The following CHIC2 variants were observed in gnomAD, a reference collection of about 807,000 sequenced individuals.
The protein encoded by CHIC2 is cysteine-rich hydrophobic domain-containing protein 2.
In CHIC2, 14 loss-of-function variants were observed where a neutral mutation model predicts 25.9. That is an observed-to-expected ratio of 0.54 (90% CI 0.36 to 0.85). The LOEUF (loss-of-function observed/expected upper bound fraction) is 0.85, where lower values mean the gene tolerates loss of function less well. CHIC2 is among the 40% of genes least tolerant of loss of function. The pLI is 0.01. For missense variants in CHIC2, 146 were observed against 202.0 expected (o/e 0.72, Z 1.68); for synonymous variants, 70 against 72.0 (o/e 0.97, Z 0.14).
At chr4:54,027,783 C>T (rs1716105923) in intron 3 of CHIC2, among the ~76,000 whole-genome samples, 2 of 152,124 alleles carry the variant, frequency 1.3e-5, no homozygotes, top group Admixed American at 1.3e-4. Context: ...AAAGTAAATA[C>T]ACAAGTTTCA....
At chr4:54,026,405 A>T (rs1716057610) in intron 3 of CHIC2, among the ~76,000 whole-genome samples, 1 of 152,080 alleles carries the variant, frequency 6.6e-6, no homozygotes, top group Non-Finnish European at 1.5e-5. Context: ...CTGTAGCCCC[A>T]GCTACTTGGG....
chr4:54,017,482 G>A (rs990160692), intron 3 of CHIC2, among the ~76,000 whole-genome samples: 3 of 152,148 alleles, frequency 2.0e-5, no homozygotes, highest in Admixed American at 2.0e-4. Context: ...GAAAGAACAG[G>A]GGAAGGGGCA....
intron 3 of CHIC2, among the ~76,000 whole-genome samples, chr4:54,034,412 A>G (rs911303531): frequency 2.6e-5 from 4 of 152,036 alleles, no homozygotes; most frequent in Non-Finnish European, 1.5e-5. Context: ...CTCAAAAAAA[A>G]AAAAGTATTT....
At chr4:54,072,637 T>C in the CHIC2 span, among the ~76,000 whole-genome samples, 1 of 152,240 alleles carries the variant, frequency 6.6e-6, no homozygotes, top group East Asian at 1.9e-4. Context: ...TATGACTTAG[T>C]TATTCTTGTA....
chr4:54,064,348 G>A lies in CHIC2; in HGVS notation c.-48C>T, dbSNP rs1220451432. ...CCCAAAGGGCCTGACTCCCGGGGTT[G>A]GCGCCGGGGTACCGGCGGGCGAGGC... is the stretch of plus-strand genomic sequence containing the variant. On this transcript the variant is annotated 5_prime_UTR_variant, in exon 1 of 6. Transcript: ENST00000263921. This position sits in a 1 kb window ranked among gnomAD's most constrained non-coding sequence, Gnocchi z 4.2. 1 of 1,609,226 alleles carries A rather than the reference G, an allele frequency of 6.2e-7. No individual in the cohort carries two copies. Among genetic ancestry groups the A allele is most frequent in the East Asian group, 2.2e-5 (1 of 44,620 alleles).
chr4:54,072,023 G>A, the CHIC2 span, among the ~76,000 whole-genome samples: 11 of 143,008 alleles, frequency 7.7e-5, no homozygotes, highest in South Asian at 4.6e-4. Flanking sequence ...GGCTGGGTGC[G>A]GTGGCTCACG....
chr4:54,065,085 CAG>C (rs1032816307), upstream of CHIC2, among the ~76,000 whole-genome samples: 12 of 152,204 alleles, frequency 7.9e-5, no homozygotes, highest in Admixed American at 7.2e-4. Flanking sequence ...TGATGAGAAC[CAG>C]AGTCTCTTTT....
intron 3 of CHIC2, 85 bp from the exon 4 acceptor site, chr4:54,014,204 G>C (rs1715675537): frequency 2.7e-6 from 3 of 1,098,270 alleles, no homozygotes; most frequent in Admixed American, 3.8e-5. Context: ...GAAAAGGGGA[G>C]AGGTATAAGA....
the CHIC2 span, among the ~76,000 whole-genome samples, chr4:54,084,116 G>C: frequency 4.8e-3 from 731 of 152,264 alleles, 5 homozygotes; most frequent in African/African-American, 0.016. Flanking sequence ...GTTGTTGCAT[G>C]CCACTATCAC....
upstream of CHIC2, chr4:54,064,712 G>C: frequency 2.0e-6 from 2 of 976,336 alleles, no homozygotes; most frequent in Non-Finnish European, 1.2e-6. This position sits in a 1 kb window ranked among gnomAD's most constrained non-coding sequence, Gnocchi z 4.2. Context: ...TGGGCGAGCG[G>C]ACTGGCTGGC....
intron 3 of CHIC2, among the ~76,000 whole-genome samples, chr4:54,016,123 G>A (rs189520887): frequency 1.3e-5 from 2 of 152,214 alleles, no homozygotes; most frequent in East Asian, 1.9e-4. Context: ...TTGGGGGTGG[G>A]TGGATGATGA....
At chr4:54,063,431 C>T (rs1357106365) in intron 1 of CHIC2, among the ~76,000 whole-genome samples, 3 of 152,168 alleles carry the variant, frequency 2.0e-5, no homozygotes, top group African/African-American at 7.2e-5. Flanking sequence ...TTTCCGAAAG[C>T]TTTCATTCCT....
intron 3 of CHIC2, among the ~76,000 whole-genome samples, chr4:54,040,634 T>C (rs1716542212): frequency 1.4e-5 from 2 of 141,454 alleles, no homozygotes; most frequent in East Asian, 2.1e-4. Context: ...CGGGGAGGTG[T>C]AGGTTGTGAT....
the CHIC2 span, among the ~76,000 whole-genome samples, chr4:54,081,080 G>A: frequency 2.7e-5 from 4 of 149,274 alleles, no homozygotes; most frequent in African/African-American, 7.4e-5. Context: ...AAAAGCTGGG[G>A]AAAAAAAAGA....
chr4:54,046,934 A>G (rs1158833064), intron 3 of CHIC2, among the ~76,000 whole-genome samples: 1 of 152,242 alleles, frequency 6.6e-6, no homozygotes, highest in African/African-American at 2.4e-5. Flanking sequence ...ATCTACAATG[A>G]ACTCAAACAC....
rs1577967500 is a variant in CHIC2, at chr4:54,025,632, G to A, written c.331-11513C>T. Reference sequence around the variant, plus strand: ...CCAGCACTTTGGGATACCGAGAAGGGCGGATCACTTGAGCCTAGAAGTTCG... The same window carrying A: ...CCAGCACTTTGGGATACCGAGAAGGACGGATCACTTGAGCCTAGAAGTTCG... On this transcript the variant is annotated intron_variant, in intron 3 of 5. Transcript: ENST00000263921. Among the ~76,000 whole-genome samples the A allele has an allele frequency of 6.6e-5, 10 of 152,142 alleles. No homozygotes were observed. In the South Asian group the frequency reaches 2.1e-3, roughly 32 times the overall value.
At position 54,052,936 on chromosome 4, in the gene CHIC2, A is replaced by G. The variant is rs375825215; in HGVS notation, c.120-3631T>C. ...ATTGAATCTTTATTCACAAATATAAATATGTATCTATTTACAACATTTTAG... is the reference window on the plus strand; with the variant it reads ...ATTGAATCTTTATTCACAAATATAAGTATGTATCTATTTACAACATTTTAG... On this transcript the variant is annotated intron_variant, in intron 1 of 5. Coordinates refer to ENST00000263921, the MANE Select transcript of CHIC2 (RefSeq NM_012110.4). 2.4e-4 allele frequency among the ~76,000 whole-genome samples: 37 copies of G among 152,304 alleles called. No individual in the cohort carries two copies. The East Asian group carries it at 5.8e-3, about 24-fold the overall frequency.
intron 3 of CHIC2, among the ~76,000 whole-genome samples, chr4:54,040,147 CTA>C (rs1288601111): frequency 6.6e-6 from 1 of 152,052 alleles, no homozygotes; most frequent in Non-Finnish European, 1.5e-5. Context: ...TTACAAAACT[CTA>C]TGCGTTTATC....
chr4:54,067,337 C>T (rs1717538426), upstream of CHIC2, among the ~76,000 whole-genome samples: 2 of 150,554 alleles, frequency 1.3e-5, no homozygotes, highest in Admixed American at 6.6e-5. Flanking sequence ...CTTCTTTTTC[C>T]TGTTCTGAAA....
Sources: gnomAD v4.1 joint callset for allele counts (sites outside exome capture counted in the v4.1 genomes callset) on GRCh38, gnomAD v4.1.1 for gene constraint, Gnocchi (gnomAD v3.1) non-coding constraint, MANE v1.5 for transcripts, NCBI Gene and HGNC (gene_info 2026-07-23, HGNC 2026-07-21) for gene names.